The following PACRG variants were observed in gnomAD, a reference collection of about 807,000 sequenced individuals.
PACRG encodes parkin coregulated gene protein.
Under a neutral mutation model 29.7 loss-of-function variants are expected in PACRG, and 29 were observed. The ratio of observed to expected loss-of-function variants is 0.98; its 90% CI spans 0.73 to 1.33. PACRG has a LOEUF of 1.33. Among genes scored for constraint, PACRG ranks in the 40% most tolerant of loss-of-function variants. PACRG has a pLI of 0.00. For missense variants in PACRG, 279 were observed against 316.2 expected (o/e 0.88, Z 0.89); for synonymous variants, 116 against 118.7 (o/e 0.98, Z 0.15).
chr6:162,992,817 T>C (rs983410802), intron 2 of PACRG, among the ~76,000 whole-genome samples: 4 of 140,094 alleles, frequency 2.9e-5, no homozygotes, highest in African/African-American at 1.1e-4. Flanking sequence ...TTTCTAGTTC[T>C]TTTAATTGTG....
intron 2 of PACRG, among the ~76,000 whole-genome samples, chr6:162,868,761 C>T (rs1792543491): frequency 6.6e-6 from 1 of 152,302 alleles, no homozygotes; most frequent in South Asian, 2.1e-4. Context: ...CCCTGTCTTT[C>T]CTGTAGATGG....
intron 2 of PACRG, among the ~76,000 whole-genome samples, chr6:162,950,433 G>T (rs951614302): frequency 6.6e-6 from 1 of 152,102 alleles, no homozygotes; most frequent in South Asian, 2.1e-4. Flanking sequence ...GCATGAACCC[G>T]GGAGGCGGAG....
intron 4 of PACRG, among the ~76,000 whole-genome samples, chr6:163,155,939 T>C (rs1778293820): frequency 6.6e-6 from 1 of 152,216 alleles, no homozygotes; most frequent in Admixed American, 6.5e-5. Flanking sequence ...GAATGTCCTT[T>C]CCCCTCTTTT....
chr6:163,284,380 G>A (rs1438305610), intron 4 of PACRG, among the ~76,000 whole-genome samples: 2 of 152,124 alleles, frequency 1.3e-5, no homozygotes, highest in African/African-American at 4.8e-5. Context: ...CGGTATCACT[G>A]CCCTCTGGCC....
At chr6:163,123,007 G>T (rs1460231753) in intron 4 of PACRG, among the ~76,000 whole-genome samples, 1 of 152,172 alleles carries the variant, frequency 6.6e-6, no homozygotes, top group Non-Finnish European at 1.5e-5. Flanking sequence ...CCGTGGAGTG[G>T]TTTTAAGGAG....
chr6:162,935,392 C>CTTTTTTTTTTTTTT (rs79058842), intron 2 of PACRG, among the ~76,000 whole-genome samples: 3 of 124,048 alleles, frequency 2.4e-5, no homozygotes, highest in Non-Finnish European at 5.3e-5. Context: ...CTGTTTTATT[C>CTTTTTTTTTTTTTT]TTTTTTTTTT....
rs866941467 is a variant in PACRG, at chr6:162,947,557, A to C, written c.292-114593A>C. 5.7e-4 allele frequency among the ~76,000 whole-genome samples: 65 copies of C among 114,332 alleles called. 1 individual carries two copies. The highest frequency in any genetic ancestry group is 1.9e-3 in the African/African-American group (55 of 29,268). The allele number at this position is 114,332 out of a possible 152,430, so 75.0% of individuals were successfully genotyped here. On this transcript the variant is annotated intron_variant, in intron 2 of 4. Coordinates refer to ENST00000366888, the MANE Select transcript of PACRG (RefSeq NM_001080379.2). ...ACTCATATATAATCATATATATATA[A>C]TCATATATATATACTCATATATAAT...
chr6:163,269,202 G>A (rs1436349017), intron 4 of PACRG, among the ~76,000 whole-genome samples: 1 of 152,202 alleles, frequency 6.6e-6, no homozygotes, highest in African/African-American at 2.4e-5. Flanking sequence ...AAGGACTCAC[G>A]TTGTTGGTTT....
intron 4 of PACRG, among the ~76,000 whole-genome samples, chr6:163,290,079 C>T (rs1187116986): frequency 2.0e-5 from 3 of 152,008 alleles, no homozygotes; most frequent in Non-Finnish European, 4.4e-5. Context: ...AGTCTGGTCT[C>T]GAACTCCTGA....
intron 2 of PACRG, among the ~76,000 whole-genome samples, chr6:162,933,283 G>C (rs1797986805): frequency 6.6e-6 from 1 of 152,056 alleles, no homozygotes; most frequent in African/African-American, 2.4e-5. Flanking sequence ...GTTTATCCTG[G>C]AGAATGTTTC....
At chr6:163,303,860 A>G (rs1242900246) in intron 4 of PACRG, among the ~76,000 whole-genome samples, 2 of 151,754 alleles carry the variant, frequency 1.3e-5, no homozygotes, top group African/African-American at 2.4e-5. Context: ...GAAAAAAAAT[A>G]CAAAAATTAG....
At chr6:162,828,130 C>A (rs1788440213) in intron 2 of PACRG, among the ~76,000 whole-genome samples, 1 of 152,096 alleles carries the variant, frequency 6.6e-6, no homozygotes, top group African/African-American at 2.4e-5. Context: ...AATACAGTAG[C>A]AATTTGAATT....
intron 4 of PACRG, among the ~76,000 whole-genome samples, chr6:163,149,592 C>A (rs1777989022): frequency 6.6e-6 from 1 of 152,078 alleles, no homozygotes; most frequent in Admixed American, 6.5e-5. Context: ...CCCGACCCCG[C>A]GAGCCTCCCT....
intron 4 of PACRG, among the ~76,000 whole-genome samples, chr6:163,144,364 A>T (rs1777707862): frequency 7.7e-6 from 1 of 130,658 alleles, no homozygotes; most frequent in Non-Finnish European, 1.7e-5. Flanking sequence ...ACACACACAC[A>T]CACACAGTTA....
intron 2 of PACRG, among the ~76,000 whole-genome samples, chr6:162,865,788 GA>G (rs1490118134): frequency 1.3e-5 from 2 of 151,828 alleles, no homozygotes; most frequent in Admixed American, 6.6e-5. Context: ...TAATTTACTA[GA>G]TTTTTTTTTT....
At chr6:162,933,750 C>A (rs139628911) in intron 2 of PACRG, among the ~76,000 whole-genome samples, 1,691 of 151,634 alleles carry the variant, frequency 0.011, 17 homozygotes, top group Non-Finnish European at 0.019. Context: ...ATATCCAAGG[C>A]TGGGTAATTT....
intron 3 of PACRG, among the ~76,000 whole-genome samples, chr6:163,076,201 G>C (rs1812524713): frequency 6.6e-6 from 1 of 152,100 alleles, no homozygotes; most frequent in African/African-American, 2.4e-5. Flanking sequence ...TCTTCTCTGT[G>C]GTGGACAACA....
chr6:162,905,685 A>T (rs1291860795), intron 2 of PACRG, among the ~76,000 whole-genome samples: 1 of 152,168 alleles, frequency 6.6e-6, no homozygotes, highest in Non-Finnish European at 1.5e-5. Flanking sequence ...CTTTCCCTTT[A>T]ATTTTATTTA....
chr6:163,062,932 G>T (rs563463753), intron 3 of PACRG, among the ~76,000 whole-genome samples: 1 of 152,268 alleles, frequency 6.6e-6, no homozygotes, highest in Admixed American at 6.5e-5. Flanking sequence ...ACCTGAGGTT[G>T]TCCCACGTGA....
Sources: gnomAD v4.1 joint callset for allele counts (sites outside exome capture counted in the v4.1 genomes callset) on GRCh38, gnomAD v4.1.1 for gene constraint, MANE v1.5 for transcripts, NCBI Gene and HGNC (gene_info 2026-07-23, HGNC 2026-07-21) for gene names.